The following LIG1 variants were observed in gnomAD, a reference collection of about 807,000 sequenced individuals.
The protein encoded by LIG1 is DNA ligase 1, also known as ligase I, DNA, ATP-dependent.
In LIG1, 70 loss-of-function variants were observed where a neutral mutation model predicts 115.7. The ratio of observed to expected loss-of-function variants is 0.60; its 90% CI spans 0.50 to 0.74. The LOEUF (loss-of-function observed/expected upper bound fraction) is 0.74, where lower values mean the gene tolerates loss of function less well. Among genes scored for constraint, LIG1 ranks in the 30% least tolerant of loss-of-function variants. The probability of loss-of-function intolerance (pLI) is 0.00; values close to 1 mark genes in which losing one functional copy is unlikely to be tolerated. For synonymous variants in LIG1, 487 were observed against 495.3 expected (o/e 0.98, Z 0.22); for missense variants, 1,115 against 1,225.6 (o/e 0.91, Z 1.35).
chr19:48,119,336 G>A (rs2033100947), intron 24 of LIG1, 146 bp from the exon 25 acceptor site: 1 of 716,870 alleles, frequency 1.4e-6, no homozygotes, highest in Non-Finnish European at 2.5e-6. Flanking sequence ...TAGGGAGCTG[G>A]GGGTGCGGAG....
In LIG1 at chr19:48,137,789, T is replaced by A. The variant is rs1479476070; in HGVS notation, c.1088-101A>T. On this transcript the variant is annotated intron_variant, in intron 12 of 27. Coordinates refer to ENST00000263274, the MANE Select transcript of LIG1 (RefSeq NM_000234.3). This position sits in a 1 kb window ranked among gnomAD's most constrained non-coding sequence, Gnocchi z 4.3. ...ATGAATTTTCTCCAGCTGTGTGTGC[T>A]TGTGGCGAGTCCCTGCACCTCCCTG... The A allele has an allele frequency of 7.1e-7, 1 of 1,418,062 alleles. No individual in the cohort carries two copies. The highest frequency in any genetic ancestry group is 1.9e-5 in the Admixed American group (1 of 52,668). 87.8% of individuals were successfully genotyped at this position (1,418,062 alleles called of 1,614,324 possible). A position where few individuals can be genotyped will look rare whatever the true frequency, so the allele number is the denominator to read the frequency against.
chr19:48,142,163 C>A (rs1291892232), intron 11 of LIG1, among the ~76,000 whole-genome samples: 2 of 150,852 alleles, frequency 1.3e-5, no homozygotes, highest in Admixed American at 6.6e-5. Flanking sequence ...TAGGGCCGGG[C>A]GCGGTGGCTC....
At chr19:48,154,722 C>T (rs552486398) in intron 5 of LIG1, among the ~76,000 whole-genome samples, 5 of 152,330 alleles carry the variant, frequency 3.3e-5, no homozygotes, top group Admixed American at 1.3e-4. Flanking sequence ...TGTTATATCT[C>T]ATGTTGGCCA....
intron 9 of LIG1, chr19:48,147,501 T>C (rs1190719173): frequency 6.6e-6 from 1 of 151,256 alleles, no homozygotes; most frequent in Non-Finnish European, 1.5e-5. Context: ...TAGGACCCCA[T>C]CTCTACAAAA....
intron 4 of LIG1, among the ~76,000 whole-genome samples, chr19:48,160,608 T>G (rs917542131): frequency 5.3e-5 from 8 of 152,024 alleles, no homozygotes; most frequent in Non-Finnish European, 1.2e-4. Flanking sequence ...TTGGACATCA[T>G]CCACAAAGCA....
At chr19:48,150,785 C>T (rs2035423108) in intron 7 of LIG1, among the ~76,000 whole-genome samples, 3 of 152,176 alleles carry the variant, frequency 2.0e-5, no homozygotes, top group Non-Finnish European at 4.4e-5. Context: ...GCAACCTCCA[C>T]CTCCTGGGCT....
chr19:48,125,063 G>T (rs2033575164), intron 21 of LIG1, among the ~76,000 whole-genome samples: 1 of 150,202 alleles, frequency 6.7e-6, no homozygotes, highest in East Asian at 1.9e-4. Flanking sequence ...GAAAAAAAAT[G>T]ATATACTTGA....
rs941240158 is a variant in LIG1 at position 48,129,400 on chromosome 19, G to A, written c.1822-1380C>T. 2.6e-5 allele frequency among the ~76,000 whole-genome samples: 4 copies of A among 151,968 alleles called. 1 individual carries two copies. The highest frequency in any genetic ancestry group is 4.2e-4 in the South Asian group (2 of 4,814). ...ATGCTGGTCCTTTCCTGTGGAGCCC[G>A]GATCTCCACATATAATTTACAGAGC... On this transcript the variant is annotated intron_variant, in intron 19 of 27. Coordinates refer to ENST00000263274, the MANE Select transcript of LIG1 (RefSeq NM_000234.3).
Position 48,122,533 on chromosome 19 carries a change from C to T in LIG1, c.2232+401G>A, listed in dbSNP as rs763511636. On this transcript the variant is annotated intron_variant, in intron 23 of 27. Transcript: ENST00000263274. The surrounding 1 kb of genome is among the most constrained non-coding windows in gnomAD (Gnocchi z 4.3). ...TTGGGAAAGACTCTTCCTGATCATC[C>T]GGGGCACTCCCAGCCCCGCCTTGCT... Among the ~76,000 whole-genome samples, 11 of 152,186 alleles carry T rather than the reference C, an allele frequency of 7.2e-5. No individual in the cohort carries two copies. The highest frequency in any genetic ancestry group is 1.9e-4 in the East Asian group (1 of 5,178).
rs897626976 is a variant in LIG1, at chr19:48,160,776, C to A, written c.243+596G>T. 2.6e-5 allele frequency among the ~76,000 whole-genome samples: 4 copies of A among 151,656 alleles called. No individual in the cohort carries two copies. The East Asian group carries it at 7.7e-4, about 29-fold the overall frequency. ...GAAGCAAGGTCTTGCTCTGTCACCC[C>A]GGCTGGAGTACAGTGGTACAATCAC... On this transcript the variant is annotated intron_variant, in intron 4 of 27. Coordinates refer to ENST00000263274, the MANE Select transcript of LIG1 (RefSeq NM_000234.3).
intron 11 of LIG1, 38 bp downstream of exon 11, chr19:48,143,505 C>CGCGGGGGGGGGGG: frequency 1.2e-6 from 1 of 850,466 alleles, no homozygotes; most frequent in Non-Finnish European, 2.0e-6. Flanking sequence ...GACCCAGAAG[C>CGCGGGGGGGGGGG]GACCCCGCCC....
intron 3 of LIG1, among the ~76,000 whole-genome samples, chr19:48,161,988 C>CGTGGCCAGTGGCCA (rs3730856): frequency 6.6e-6 from 1 of 151,868 alleles, no homozygotes; most frequent in African/African-American, 2.4e-5. Flanking sequence ...AGCATCAAGA[C>CGTGGCCAGTGGCCA]GTGGCCAGTG....
At chr19:48,132,109 T>C (rs2034064362) in intron 18 of LIG1, among the ~76,000 whole-genome samples, 1 of 152,006 alleles carries the variant, frequency 6.6e-6, no homozygotes, top group Non-Finnish European at 1.5e-5. Context: ...GGCTCATTTT[T>C]GTGGTTTTAG....
chr19:48,150,022 GGA>G, intron 8 of LIG1, 64 bp downstream of exon 8: 1 of 1,610,244 alleles, frequency 6.2e-7, no homozygotes, highest in East Asian at 2.2e-5. Context: ...TCAGGCCTCT[GGA>G]GAGAGGCTCA....
chr19:48,117,676 G>T lies in LIG1; in HGVS notation c.2545C>A (p.Leu849Ile), dbSNP rs1369548258. Residue 849 changes from leucine (L) to isoleucine (I), a missense_variant, in exon 26 of 28, where the codon CTC becomes ATC. By Grantham distance (5) the Leu-to-Ile change is conservative (BLOSUM62 2). Transcript: ENST00000263274. ...GCAGGGTAGATGGGAGAGAGGGAGA[G>T]GTCAGCGCACTTCACCTCCCACACA... ...SAVWEVKCAD[L>I]SLSPIYPAAR... 1.9e-6 allele frequency: 3 copies of T among 1,612,754 alleles called. No individual in the cohort carries two copies. Among genetic ancestry groups the T allele is most frequent in the East Asian group, 2.2e-5 (1 of 44,852 alleles).
intron 2 of LIG1, among the ~76,000 whole-genome samples, chr19:48,164,843 G>A (rs943495109): frequency 6.6e-6 from 1 of 152,226 alleles, no homozygotes; most frequent in Non-Finnish European, 1.5e-5. Flanking sequence ...TGTTGGGCCT[G>A]ATGGTTCTGT....
intron 2 of LIG1, among the ~76,000 whole-genome samples, chr19:48,164,505 T>G (rs2036367346): frequency 1.3e-5 from 2 of 152,210 alleles, no homozygotes; most frequent in South Asian, 4.1e-4. Flanking sequence ...GGTGGACACG[T>G]GATCCAGGCT....
In LIG1 at chr19:48,121,300, C is replaced by T. The variant is rs1966984419; in HGVS notation, c.2255G>A (p.Gly752Asp). 1 of 1,606,886 alleles carries T rather than the reference C, an allele frequency of 6.2e-7. No individual in the cohort carries two copies. Among genetic ancestry groups the T allele is most frequent in the African/African-American group, 1.3e-5 (1 of 74,790 alleles). Reference sequence around the variant, plus strand: ...CACCAGGTCCAGGGTGTCACCCACGCCATCAAGGTAGTCCTTCTTCAGCTG... The same window carrying T: ...CACCAGGTCCAGGGTGTCACCCACGTCATCAAGGTAGTCCTTCTTCAGCTG... Reference protein sequence around the residue: ...WLKLKKDYLDGVGDTLDLVVI... With the variant: ...WLKLKKDYLDDVGDTLDLVVI... The change falls in exon 24 of 28, where the codon GGC becomes GAC. Residue 752 changes from glycine (G) to aspartate (D), a missense_variant. Gly to Asp is a moderately conservative substitution (Grantham distance 94, BLOSUM62 -1). Transcript: ENST00000263274.
intron 11 of LIG1, 109 bp downstream of exon 11, chr19:48,143,434 C>G: frequency 4.8e-6 from 5 of 1,039,818 alleles, no homozygotes; most frequent in Non-Finnish European, 7.6e-6. Context: ...CGAGCGGGGT[C>G]AGAGGCCAAG....
Sources: allele counts gnomAD v4.1 joint callset (sites outside exome capture counted in the v4.1 genomes callset), GRCh38; gene constraint gnomAD v4.1.1; non-coding constraint Gnocchi (gnomAD v3.1); transcripts MANE v1.5; gene names NCBI Gene and HGNC (gene_info 2026-07-23, HGNC 2026-07-21).